MBOAT7: variants seen among roughly 807,000 people sequenced by gnomAD.
MBOAT7 encodes the protein membrane-bound acylglycerophosphatidylinositol O-acyltransferase MBOAT7.
In MBOAT7, 40 loss-of-function variants were observed where a neutral mutation model predicts 47.4. The ratio of observed to expected loss-of-function variants is 0.84; its 90% CI spans 0.66 to 1.10. The LOEUF is 1.10. Among genes scored for constraint, MBOAT7 ranks in the 50% least tolerant of loss-of-function variants. The pLI is 0.00. For missense variants in MBOAT7, 680 were observed against 655.6 expected (o/e 1.04, Z -0.41); for synonymous variants, 361 against 292.0 (o/e 1.24, Z -2.41).
chr19:54,176,958 A>C (rs2076123680), intron 7 of MBOAT7, among the ~76,000 whole-genome samples: 1 of 151,842 alleles, frequency 6.6e-6, no homozygotes, highest in African/African-American at 2.4e-5. Context: ...ATGGTGACTC[A>C]CGCCTGTAAT....
Position 54,180,527 on chromosome 19 carries a change from G to A in MBOAT7, c.854+246C>T. 8.5e-6 allele frequency: 4 copies of A among 470,688 alleles called. No homozygotes were observed. Among genetic ancestry groups the A allele is most frequent in the South Asian group, 7.9e-5 (2 of 25,234 alleles). 29.2% of individuals were successfully genotyped at this position (470,688 alleles called of 1,614,324 possible). On this transcript the variant is annotated intron_variant, in intron 6 of 7. Transcript: ENST00000245615. This position sits in a 1 kb window ranked among gnomAD's most constrained non-coding sequence, Gnocchi z 5.2. Reference sequence around the variant, plus strand: ...TGCTAAGTTACCACCTTTTCCTAGCGACAGGGGGCAGTTCACCACACTGCG... The same window carrying A: ...TGCTAAGTTACCACCTTTTCCTAGCAACAGGGGGCAGTTCACCACACTGCG...
intron 7 of MBOAT7, 60 bp downstream of exon 7, chr19:54,178,705 T>A: frequency 6.3e-7 from 1 of 1,588,868 alleles, no homozygotes; most frequent in Non-Finnish European, 8.6e-7. Context: ...CAGGCTACCC[T>A]GGGGCCTGCT....
chr19:54,174,574 G>C, intron 7 of MBOAT7, 143 bp from the exon 8 acceptor site: 5 of 803,580 alleles, frequency 6.2e-6, no homozygotes, highest in Non-Finnish European at 7.3e-6. Context: ...AGACCCAGGA[G>C]TCCAGACCCC....
chr19:54,176,824 G>T lies in MBOAT7; in HGVS notation c.1031+1941C>A, dbSNP rs531251250. Among the ~76,000 whole-genome samples the T allele has an allele frequency of 9.6e-4, 146 of 152,186 alleles. 1 individual carries two copies. The highest frequency in any genetic ancestry group is 4.5e-3 in the Admixed American group (68 of 15,262). On this transcript the variant is annotated intron_variant, in intron 7 of 7. Coordinates refer to ENST00000245615, the MANE Select transcript of MBOAT7 (RefSeq NM_024298.5). Reference sequence around the variant, plus strand: ...TCTCAGCACTTTGGGAGGCTGAGATGGGAGGACTGCTTGGGGCCAGGAGTT... The same window carrying T: ...TCTCAGCACTTTGGGAGGCTGAGATTGGAGGACTGCTTGGGGCCAGGAGTT...
chr19:54,179,150 C>T (rs2278499), intron 6 of MBOAT7: 480,279 of 619,174 alleles, frequency 0.78, 186,625 homozygotes, highest in African/African-American at 0.81. Context: ...GTGGTACAGT[C>T]CACTGACAAT....
chr19:54,185,249 G>A (rs896881101), intron 4 of MBOAT7, among the ~76,000 whole-genome samples: 9 of 151,936 alleles, frequency 5.9e-5, no homozygotes, highest in African/African-American at 2.2e-4. Flanking sequence ...GTAGAGACAG[G>A]GTCTCACTAT....
At chr19:54,185,645 C>G (rs1295122681) in intron 4 of MBOAT7, among the ~76,000 whole-genome samples, 1 of 152,190 alleles carries the variant, frequency 6.6e-6, no homozygotes, top group African/African-American at 2.4e-5. Context: ...CCATCTTGCC[C>G]TGTTCCACTT....
chr19:54,179,173 C>T lies in MBOAT7; in HGVS notation c.855-232G>A, dbSNP rs919028240. 4 of 589,240 alleles carry T rather than the reference C, an allele frequency of 6.8e-6. No individual in the cohort carries two copies. In the African/African-American group the frequency reaches 7.4e-5, roughly 11 times the overall value. The allele number at this position is 589,240 out of a possible 1,614,324, so 36.5% of individuals were successfully genotyped here. A position where few individuals can be genotyped will look rare whatever the true frequency, so the allele number is the denominator to read the frequency against. Reference sequence around the variant, plus strand: ...GTCCACTGACAATGGGGTTCTTCTTCTTTTGGTACCTAATGGGGCCCGCCA... The same window carrying T: ...GTCCACTGACAATGGGGTTCTTCTTTTTTTGGTACCTAATGGGGCCCGCCA... On this transcript the variant is annotated intron_variant, in intron 6 of 7. Transcript: ENST00000245615.
chr19:54,184,165 T>C (rs73936632), intron 4 of MBOAT7, among the ~76,000 whole-genome samples: 30 of 120,580 alleles, frequency 2.5e-4, no homozygotes, highest in Admixed American at 9.6e-4. Flanking sequence ...CTCTCTCTTT[T>C]TTTTTTTTTT....
Position 54,173,421 on chromosome 19 carries a change from G to T in MBOAT7, c.*623C>A. 1 of 324,370 alleles carries T rather than the reference G, an allele frequency of 3.1e-6. No homozygotes were observed. The highest frequency in any genetic ancestry group is 5.7e-6 in the Non-Finnish European group (1 of 174,266). 20.1% of individuals were successfully genotyped at this position (324,370 alleles called of 1,614,324 possible). ...ACCTGCACGGACACGATGCCTTTGT[G>T]CAACACTTTATTGGGAAAGATTTAC... is the stretch of plus-strand genomic sequence containing the variant. On this transcript the variant is annotated 3_prime_UTR_variant, in exon 8 of 8. Coordinates refer to ENST00000245615, the MANE Select transcript of MBOAT7 (RefSeq NM_024298.5).
chr19:54,180,473 T>C lies in MBOAT7; in HGVS notation c.854+300A>G. The C allele has an allele frequency of 2.9e-6, 1 of 349,572 alleles. No homozygotes were observed. The highest frequency in any genetic ancestry group is 5.2e-6 in the Non-Finnish European group (1 of 192,574). 21.7% of individuals were successfully genotyped at this position (349,572 alleles called of 1,614,324 possible). ...CAATCTGGTTCTGGGGGGTGACACTTCTGTGGCAACAGAGGGGTGGCACAG... is the reference window on the plus strand; with the variant it reads ...CAATCTGGTTCTGGGGGGTGACACTCCTGTGGCAACAGAGGGGTGGCACAG... On this transcript the variant is annotated intron_variant, in intron 6 of 7. Coordinates refer to ENST00000245615, the MANE Select transcript of MBOAT7 (RefSeq NM_024298.5). The surrounding 1 kb of genome is among the most constrained non-coding windows in gnomAD (Gnocchi z 5.2).
At chr19:54,182,065 G>A (rs2076303214) in intron 5 of MBOAT7, among the ~76,000 whole-genome samples, 1 of 151,136 alleles carries the variant, frequency 6.6e-6, no homozygotes, top group South Asian at 2.1e-4. Context: ...GAAAAGGGAA[G>A]GACGGAGGGA....
intron 6 of MBOAT7, chr19:54,179,302 T>A (rs1184532338): frequency 3.3e-6 from 1 of 306,606 alleles, no homozygotes; most frequent in Non-Finnish European, 6.1e-6. Context: ...CCCTTCTAAA[T>A]TGTCGGACAC....
chr19:54,175,151 T>C (rs1050606330), intron 7 of MBOAT7, among the ~76,000 whole-genome samples: 1 of 152,022 alleles, frequency 6.6e-6, no homozygotes, highest in African/African-American at 2.4e-5. Context: ...AATTTTCTTT[T>C]CTATTTTTAG....
chr19:54,188,073 A>AG (rs1555842646), intron 3 of MBOAT7, 144 bp downstream of exon 3: 1 of 633,342 alleles, frequency 1.6e-6, no homozygotes, highest in East Asian at 3.2e-5. Context: ...AAGAAAGACA[A>AG]ACAAACAAAC....
At chr19:54,175,763 C>T (rs544441557) in intron 7 of MBOAT7, among the ~76,000 whole-genome samples, 57 of 152,226 alleles carry the variant, frequency 3.7e-4, no homozygotes, top group African/African-American at 1.0e-3. Flanking sequence ...CTCGCTCTGC[C>T]GCCCATGCTG....
rs760617583 is a variant in MBOAT7 at position 54,174,316 on chromosome 19, G to A, written c.1147C>T (p.Leu383=). 9 of 1,613,366 alleles carry A rather than the reference G, an allele frequency of 5.6e-6. No homozygotes were observed. The Admixed American group carries it at 1.3e-4, about 24-fold the overall frequency. ...LAAEGRLESA[L]RGRLSPGGQK... ...CCCCCTGGGCTCAGCCGCCCCCGCA[G>A]GGCTGACTCCAGCCGGCCCTCGGCA... Residue 383 remains leucine, a synonymous_variant, in exon 8 of 8, where the codon CTG becomes TTG. Transcript: ENST00000245615.
chr19:54,183,573 G>C lies in MBOAT7; in HGVS notation c.441C>G (p.Pro147=). The C allele has an allele frequency of 6.2e-7, 1 of 1,608,404 alleles. No individual in the cohort carries two copies. Among genetic ancestry groups the C allele is most frequent in the Non-Finnish European group, 8.5e-7 (1 of 1,177,612 alleles). Reference sequence around the variant, plus strand: ...TGTAGCTGAGTGTCTCCATCAGGGAGGGCACGTCGGGCAGCAGCCCCAGGG... The same window carrying C: ...TGTAGCTGAGTGTCTCCATCAGGGACGGCACGTCGGGCAGCAGCCCCAGGG... The part of the protein sequence containing the change: ...GPTLGLLPDV[P]SLMETLSYSY... The change falls in exon 5 of 8, where the codon CCC becomes CCG. Residue 147 remains proline (P), a synonymous_variant. Coordinates refer to ENST00000245615, the MANE Select transcript of MBOAT7 (RefSeq NM_024298.5).
chr19:54,178,777 G>C lies in MBOAT7; in HGVS notation c.1019C>G (p.Ser340Cys). The change falls in exon 7 of 8, where the codon TCC becomes TGC. Residue 340 changes from serine (S) to cysteine (C), a missense_variant. Transcript: ENST00000245615. ...QYIYKSAPAR[S>C]YVLRSAWTML... ...CGGGCTCACTCACCGCAGGACATAG[G>C]AACGGGCAGGTGCGCTCTTGTAGAT... 1.2e-6 allele frequency: 2 copies of C among 1,613,424 alleles called. No individual in the cohort carries two copies. Among genetic ancestry groups the C allele is most frequent in the Admixed American group, 1.7e-5 (1 of 60,018 alleles).
Sources: gnomAD v4.1 joint callset for allele counts (sites outside exome capture counted in the v4.1 genomes callset) on GRCh38, gnomAD v4.1.1 for gene constraint, Gnocchi (gnomAD v3.1) non-coding constraint, MANE v1.5 for transcripts, NCBI Gene and HGNC (gene_info 2026-07-23, HGNC 2026-07-21) for gene names.